Variants in GALM observed in about 807,000 individuals in gnomAD.
GALM encodes aldose 1-epimerase.
A neutral mutation model predicts 37.4 loss-of-function variants in GALM; 43 were observed. The ratio of observed to expected loss-of-function variants is 1.15; its 90% confidence interval spans 0.90 to 1.48. The LOEUF (loss-of-function observed/expected upper bound fraction) is 1.48. Among genes scored for constraint, GALM ranks in the 40% most tolerant of loss-of-function variants. GALM has a pLI of 0.00. For synonymous variants in GALM, 199 were observed against 170.6 expected (o/e 1.17, Z -1.30); for missense variants, 456 against 419.1 (o/e 1.09, Z -0.77).
chr2:38,732,233 T>G (rs1420603233), intron 6 of GALM, among the ~76,000 whole-genome samples: 1 of 152,166 alleles, frequency 6.6e-6, no homozygotes, highest in Non-Finnish European at 1.5e-5. Context: ...ATTTTTGTAT[T>G]TTTAGTAGAG....
At chr2:38,713,601 GCT>G (rs888230200) in intron 4 of GALM, among the ~76,000 whole-genome samples, 2 of 152,136 alleles carry the variant, frequency 1.3e-5, no homozygotes, top group Admixed American at 6.6e-5. Flanking sequence ...ATGGTCTCAA[GCT>G]CTGTCTAGGT....
intron 1 of GALM, chr2:38,668,806 TA>T (rs200574719): frequency 4.0e-5 from 6 of 151,728 alleles, no homozygotes; most frequent in South Asian, 2.1e-4. Flanking sequence ...AATTTAAATT[TA>T]AAAAAAATTT....
intron 3 of GALM, among the ~76,000 whole-genome samples, chr2:38,686,153 T>C (rs972112831): frequency 1.3e-5 from 2 of 151,748 alleles, no homozygotes; most frequent in African/African-American, 4.9e-5. Flanking sequence ...TCAGTTTATT[T>C]GGAGTGTGAT....
chr2:38,701,725 G>A (rs1558588239), intron 4 of GALM, among the ~76,000 whole-genome samples: 1 of 152,160 alleles, frequency 6.6e-6, no homozygotes, highest in Non-Finnish European at 1.5e-5. Context: ...CCTCCCTGGG[G>A]CAGGTCTCTA....
intron 1 of GALM, among the ~76,000 whole-genome samples, chr2:38,675,629 C>T (rs1000658721): frequency 7.0e-6 from 1 of 143,322 alleles, no homozygotes; most frequent in Non-Finnish European, 1.5e-5. Context: ...AATGCAGTGG[C>T]GCGGTCTCGG....
At chr2:38,672,844 TA>T (rs201693779) in intron 1 of GALM, among the ~76,000 whole-genome samples, 1,520 of 142,470 alleles carry the variant, frequency 0.011, 9 homozygotes, top group African/African-American at 0.024. Flanking sequence ...CCATCTCTAT[TA>T]AAAAAAAAAA....
chr2:38,709,144 G>A (rs530410753), intron 4 of GALM, among the ~76,000 whole-genome samples: 2 of 149,616 alleles, frequency 1.3e-5, no homozygotes, highest in East Asian at 1.9e-4. Context: ...TGAGGGTTGT[G>A]GGGGACAGGG....
chr2:38,706,358 C>T (rs1440777207), intron 4 of GALM, among the ~76,000 whole-genome samples: 1 of 150,898 alleles, frequency 6.6e-6, no homozygotes, highest in Non-Finnish European at 1.5e-5. Context: ...TGGGAACTGA[C>T]CTGTCAAGAT....
At chr2:38,670,639 A>G (rs6707421) in intron 1 of GALM, among the ~76,000 whole-genome samples, 34,392 of 152,202 alleles carry the variant, frequency 0.23, 4,389 homozygotes, top group East Asian at 0.38. Context: ...GTCTAACCAT[A>G]TCTGACCACA....
chr2:38,703,072 ATATATATATATATATATATATTTTTTTT>A (rs1328407424), intron 4 of GALM, among the ~76,000 whole-genome samples: 37 of 4,480 alleles, frequency 8.3e-3, no homozygotes, highest in African/African-American at 0.018. Flanking sequence ...ATATATATAT[ATATATATATATATATATATATTTTTTTT>A]TTTTTTTTTT....
In GALM at chr2:38,681,303, G is replaced by A; in HGVS notation, c.369G>A (p.Leu123=). The A allele has an allele frequency of 5.0e-6, 8 of 1,613,598 alleles. No homozygotes were observed. The highest frequency in any genetic ancestry group is 6.8e-6 in the Non-Finnish European group (8 of 1,180,030). The change falls in exon 3 of 7, where the codon CTG becomes CTA. Residue 123 remains leucine (L), a synonymous_variant. Coordinates refer to ENST00000272252, the MANE Select transcript of GALM (RefSeq NM_138801.3). The part of the protein sequence containing the change: ...FDKVLWTPRV[L]SNGVQFSRIS... ...AGGTGCTCTGGACCCCTCGGGTGCT[G>A]TCAAATGGCGTCCAGTTCTCGCGCA...
chr2:38,666,482 C>G (rs1664940951), intron 1 of GALM, 131 bp downstream of exon 1: 2 of 642,522 alleles, frequency 3.1e-6, no homozygotes, highest in Admixed American at 3.1e-5. Flanking sequence ...GTCTGACTTG[C>G]AAGCGCATGC....
chr2:38,668,584 T>C (rs1163459608), intron 1 of GALM: 1 of 152,118 alleles, frequency 6.6e-6, no homozygotes, highest in Non-Finnish European at 1.5e-5. Flanking sequence ...CATATTCTTT[T>C]AAACCATCAG....
At chr2:38,717,267 G>C (rs1666286547) in intron 4 of GALM, among the ~76,000 whole-genome samples, 2 of 149,376 alleles carry the variant, frequency 1.3e-5, no homozygotes, top group Admixed American at 6.7e-5. Flanking sequence ...AAAAAAAAAA[G>C]TTTATGCTGT....
intron 3 of GALM, among the ~76,000 whole-genome samples, 155 bp from the exon 4 acceptor site, chr2:38,689,658 T>G (rs1039054606): frequency 2.6e-5 from 4 of 152,182 alleles, no homozygotes; most frequent in East Asian, 3.8e-4. Flanking sequence ...CTTATCTACC[T>G]CCACTTAGTT....
At chr2:38,723,548 G>A (rs1472302945) in intron 4 of GALM, among the ~76,000 whole-genome samples, 1 of 152,126 alleles carries the variant, frequency 6.6e-6, no homozygotes, top group African/African-American at 2.4e-5. Flanking sequence ...TAGCACTTTG[G>A]GAAGCTGAGG....
intron 1 of GALM, among the ~76,000 whole-genome samples, chr2:38,670,064 T>G (rs991181912): frequency 1.3e-5 from 2 of 151,896 alleles, no homozygotes; most frequent in African/African-American, 4.8e-5. Flanking sequence ...GGTTTCACCA[T>G]ATTGGTCAGG....
Position 38,731,897 on chromosome 2 carries a change from T to C in GALM, c.939T>C (p.Asp313=), listed in dbSNP as rs1348634043. 9.3e-6 allele frequency: 15 copies of C among 1,614,132 alleles called. No individual in the cohort carries two copies. The highest frequency in any genetic ancestry group is 1.0e-5 in the Non-Finnish European group (12 of 1,179,974). Residue 313 remains aspartate, a synonymous_variant, in exon 6 of 7, where the codon GAT becomes GAC. Transcript: ENST00000272252. The part of the protein sequence containing the change: ...GFCLETQNWP[D]AVNQPRFPPV... The stretch of plus-strand genomic sequence containing the variant: ...GCCTGGAGACTCAGAACTGGCCTGA[T>C]GCAGTCAATCAGGTAATGCCACAGG...
chr2:38,729,459 A>G (rs1012545654), intron 4 of GALM, 97 bp from the exon 5 acceptor site: 44 of 1,003,342 alleles, frequency 4.4e-5, no homozygotes, highest in Non-Finnish European at 6.1e-5. Flanking sequence ...ATTAAAATGA[A>G]GGCGGAGAGA....
Sources: gnomAD v4.1 joint callset for allele counts (sites outside exome capture counted in the v4.1 genomes callset) on GRCh38, gnomAD v4.1.1 for gene constraint, MANE v1.5 for transcripts, NCBI Gene and HGNC (gene_info 2026-07-23, HGNC 2026-07-21) for gene names.